The following NEB variants were observed in gnomAD, a reference collection of about 807,000 sequenced individuals.
The protein encoded by NEB is nebulin.
In NEB, 512 loss-of-function variants were observed where a neutral mutation model predicts 952.2. The ratio of observed to expected loss-of-function variants is 0.54; its 90% CI spans 0.50 to 0.58. The LOEUF is 0.58. Ranked by LOEUF, NEB falls within the 20% of genes least tolerant of loss-of-function variation. The pLI, the probability that NEB is intolerant of heterozygous loss-of-function variation, is 0.00. For missense variants in NEB, 8,428 were observed against 9,231.1 expected (o/e 0.91, Z 3.56); for synonymous variants, 2,900 against 3,149.8 (o/e 0.92, Z 2.66).
Position 151,575,929 on chromosome 2 carries a change from T to A in NEB, c.16909-130A>T. On this transcript the variant is annotated intron_variant, in intron 106 of 181. Coordinates refer to ENST00000397345, the MANE Select transcript of NEB (RefSeq NM_001164508.2). ...CATGTTAGGGCAAAGATTTCTGGAA[T>A]CTTTTCACGTAAGTTACTCAAATTT... 7.6e-6 allele frequency: 6 copies of A among 791,720 alleles called. No individual in the cohort carries two copies. The Admixed American group carries it at 9.2e-5, about 12-fold the overall frequency. 49.0% of individuals were successfully genotyped at this position (791,720 alleles called of 1,614,324 possible).
intron 27 of NEB, 147 bp downstream of exon 27, chr2:151,687,272 A>T (rs2099510003): frequency 1.6e-6 from 1 of 640,868 alleles, no homozygotes; most frequent in Non-Finnish European, 2.7e-6. Flanking sequence ...AATCCAGGGC[A>T]TCATTCTGAA....
At chr2:151,673,870 AC>A (rs2099330426) in intron 36 of NEB, among the ~76,000 whole-genome samples, 2 of 151,076 alleles carry the variant, frequency 1.3e-5, no homozygotes, top group Non-Finnish European at 2.9e-5. Context: ...AGCAGCTGGG[AC>A]TACAGGTGCC....
rs548934119 is a variant in NEB, at chr2:151,629,752, G to A, written c.9724-106C>T. Reference sequence around the variant, plus strand: ...AATTTAAAAAAGGATAGGAACTGGAGACAATTCAAGTTTCTGGCAATAGTG... The same window carrying A: ...AATTTAAAAAAGGATAGGAACTGGAAACAATTCAAGTTTCTGGCAATAGTG... On this transcript the variant is annotated intron_variant, in intron 67 of 181. Coordinates refer to ENST00000397345, the MANE Select transcript of NEB (RefSeq NM_001164508.2). 7 of 872,140 alleles carry A rather than the reference G, an allele frequency of 8.0e-6. No individual in the cohort carries two copies. In the Admixed American group the frequency reaches 1.4e-4, roughly 18 times the overall value. The allele number at this position is 872,140 out of a possible 1,614,324, so 54.0% of individuals were successfully genotyped here.
intron 150 of NEB, among the ~76,000 whole-genome samples, chr2:151,525,589 G>A (rs2085241937): frequency 6.6e-6 from 1 of 152,186 alleles, no homozygotes; most frequent in African/African-American, 2.4e-5. Flanking sequence ...TATTGATAAG[G>A]ATAGAGCAGG....
At chr2:151,519,884 A>C in intron 153 of NEB, 116 bp from the exon 154 acceptor site, 3 of 668,046 alleles carry the variant, frequency 4.5e-6, no homozygotes, top group East Asian at 2.6e-5. Flanking sequence ...TGATCATATA[A>C]TCTATTATCC....
At chr2:151,497,236 A>C (rs2060819551) in intron 171 of NEB, 1 of 823,336 alleles carries the variant, frequency 1.2e-6, no homozygotes, top group African/African-American at 1.9e-5. Context: ...CTAGAGAAGC[A>C]GGGACCTCAG....
In NEB at chr2:151,583,763, T is replaced by C; in HGVS notation, c.15667A>G (p.Lys5223Glu). ...KASREIASEY[K>E]YKEGYRKQLG... ...TGCTTACGGTAACCTTCTTTGTATT[T>C]GTACTAAAGTAGTAAGAAATCATAT... is the stretch of plus-strand genomic sequence containing the variant. Residue 5223 changes from lysine (K) to glutamate (E), a missense_variant, in exon 101 of 182, where the codon AAA becomes GAA. Physicochemically the swap from Lys to Glu is moderately conservative, Grantham distance 56. Around this residue, in one of 11 missense-constraint regions of NEB, gnomAD observed 40 missense variants for 61.2 expected, o/e 0.65. Transcript: ENST00000397345. 1 of 342,642 alleles carries C rather than the reference T, an allele frequency of 2.9e-6. No individual in the cohort carries two copies. The allele number at this position is 342,642 out of a possible 1,614,324, so 21.2% of individuals were successfully genotyped here.
chr2:151,568,284 A>C (rs1269741820), intron 112 of NEB, 32 bp downstream of exon 112: 3 of 1,605,396 alleles, frequency 1.9e-6, no homozygotes, highest in Admixed American at 1.7e-5. Flanking sequence ...CCACTCGTAC[A>C]CAAACACCAG....
At position 151,625,588 on chromosome 2, in the gene NEB, C is replaced by A; in HGVS notation, c.10398G>T (p.Met3466Ile). Residue 3466 changes from methionine to isoleucine, a missense_variant, in exon 71 of 182, where the codon ATG becomes ATT. Around this residue, in one of 11 missense-constraint regions of NEB, gnomAD observed 1,772 missense variants for 1,960.3 expected, o/e 0.90. Coordinates refer to ENST00000397345, the MANE Select transcript of NEB (RefSeq NM_001164508.2). ...WDKDKTQVHIMPDTPEIMLAR... is the reference protein window; with the variant it reads ...WDKDKTQVHIIPDTPEIMLAR... ...CCAACATGATTTCAGGTGTATCAGG[C>A]ATAATATGGACTTGGGTCTTGTCTT... The A allele has an allele frequency of 6.2e-7, 1 of 1,606,360 alleles. No individual in the cohort carries two copies. Among genetic ancestry groups the A allele is most frequent in the Non-Finnish European group, 8.5e-7 (1 of 1,174,702 alleles).
Position 151,614,589 on chromosome 2 carries a change from T to TA in NEB, c.11290-3dup, listed in dbSNP as rs1469187168. ...GCGGTAGCCTTCCTTGTACTTGTAC[T>TA]AAAAAAATAGAGATATGAGTATAAT... is the stretch of plus-strand genomic sequence containing the variant. On this transcript the variant is annotated splice_region_variant and splice_polypyrimidine_tract_variant and intron_variant, in intron 76 of 181. Transcript: ENST00000397345. The TA allele has an allele frequency of 6.2e-7, 1 of 1,609,940 alleles. No homozygotes were observed. Among genetic ancestry groups the TA allele is most frequent in the Middle Eastern group, 1.7e-4 (1 of 6,032 alleles).
chr2:151,675,888 T>C (rs1441673088), intron 34 of NEB, among the ~76,000 whole-genome samples: 1 of 152,182 alleles, frequency 6.6e-6, no homozygotes, highest in African/African-American at 2.4e-5. Context: ...TCTAGCATAC[T>C]CAAAAGGCTC....
intron 42 of NEB, 145 bp from the exon 43 acceptor site, chr2:151,665,008 T>G (rs1045847547): frequency 8.7e-6 from 6 of 690,780 alleles, no homozygotes; most frequent in Non-Finnish European, 1.4e-5. Context: ...ATGGGCCAAG[T>G]AAACTAAATA....
At chr2:151,568,545 G>A (rs568688863) in intron 111 of NEB, 73 bp downstream of exon 111, 8 of 1,430,456 alleles carry the variant, frequency 5.6e-6, no homozygotes, top group South Asian at 3.5e-5. Context: ...TGCATTCTGA[G>A]TGTAAGTAGA....
In NEB at chr2:151,526,164, C is replaced by CA. The variant is rs766542515; in HGVS notation, c.22043dup (p.Ser7349ValfsTer2). On this transcript the variant is annotated frameshift_variant, in exon 149 of 182. Coordinates refer to ENST00000397345, the MANE Select transcript of NEB (RefSeq NM_001164508.2). LOFTEE classifies it high-confidence loss of function. ...ATGGGCGGCTGGGGGTTACCTCAGA[C>CA]ACCAGGTTGCTGACAGTCTTCGCCA... The CA allele has an allele frequency of 2.5e-6, 4 of 1,613,946 alleles. No individual in the cohort carries two copies. Among genetic ancestry groups the CA allele is most frequent in the Non-Finnish European group, 3.4e-6 (4 of 1,179,840 alleles).
intron 10 of NEB, among the ~76,000 whole-genome samples, chr2:151,714,978 C>A (rs2099755182): frequency 6.6e-6 from 1 of 152,176 alleles, no homozygotes; most frequent in Non-Finnish European, 1.5e-5. Context: ...TTTGGATGCA[C>A]AATAGTCATT....
At position 151,620,963 on chromosome 2, in the gene NEB, T is replaced by C. The variant is rs2154027792; in HGVS notation, c.10516A>G (p.Ile3506Val). 3 of 1,613,100 alleles carry C rather than the reference T, an allele frequency of 1.9e-6. No homozygotes were observed. Among genetic ancestry groups the C allele is most frequent in the Non-Finnish European group, 1.7e-6 (2 of 1,179,558 alleles). The stretch of plus-strand genomic sequence containing the variant: ...GAGGCCTTGGCAGCCACAATGGGAA[T>C]GGCATCACTTCTCAAGTCATAGCCT... ...KEGYDLRSDA[I>V]PIVAAKASRD... The change falls in exon 72 of 182, where the codon ATT becomes GTT. Residue 3506 changes from isoleucine to valine, a missense_variant. Physicochemically the swap from Ile to Val is conservative, Grantham distance 29. Around this residue, in one of 11 missense-constraint regions of NEB, gnomAD observed 1,772 missense variants for 1,960.3 expected, o/e 0.90. Coordinates refer to ENST00000397345, the MANE Select transcript of NEB (RefSeq NM_001164508.2).
chr2:151,507,924 C>T lies in NEB; in HGVS notation c.23451+81G>A, dbSNP rs921841264. 9.0e-6 allele frequency: 9 copies of T among 998,232 alleles called. No individual in the cohort carries two copies. In the Admixed American group the frequency reaches 1.8e-4, roughly 20 times the overall value. 61.8% of individuals were successfully genotyped at this position (998,232 alleles called of 1,614,324 possible). A position where few individuals can be genotyped will look rare whatever the true frequency, so the allele number is the denominator to read the frequency against. The stretch of plus-strand genomic sequence containing the variant: ...GGAGGGCTGCACAACAGCCCCACTG[C>T]AAGCCTGGGATATCCAGAGGCATCT... On this transcript the variant is annotated intron_variant, in intron 162 of 181. Transcript: ENST00000397345.
chr2:151,547,615 T>G lies in NEB; in HGVS notation c.20262+19A>C, dbSNP rs775337642. On this transcript the variant is annotated intron_variant, in intron 132 of 181. Coordinates refer to ENST00000397345, the MANE Select transcript of NEB (RefSeq NM_001164508.2). ...CATCCCTAGTCTCTACTCCCTGTCT[T>G]TCCTAAGAAAATACCCACCTCACTG... 1 of 1,611,566 alleles carries G rather than the reference T, an allele frequency of 6.2e-7. No individual in the cohort carries two copies. The highest frequency in any genetic ancestry group is 8.5e-7 in the Non-Finnish European group (1 of 1,177,884).
chr2:151,716,131 T>C (rs780194121), intron 10 of NEB: 1 of 296,900 alleles, frequency 3.4e-6, no homozygotes, highest in Non-Finnish European at 6.9e-6. Context: ...ACTTTCTTTC[T>C]TTTTTTTTTT....
Sources: gnomAD v4.1 joint callset for allele counts (sites outside exome capture counted in the v4.1 genomes callset) on GRCh38, gnomAD v4.1.1 for gene constraint, gnomAD v4.1.1 regional missense constraint, MANE v1.5 for transcripts, NCBI Gene and HGNC (gene_info 2026-07-23, HGNC 2026-07-21) for gene names.